The following CNTNAP4 variants were observed in gnomAD, a reference collection of about 807,000 sequenced individuals.
The protein encoded by CNTNAP4 is contactin-associated protein-like 4.
In CNTNAP4, 98 loss-of-function variants were observed where a neutral mutation model predicts 148.4. That is an observed-to-expected ratio of 0.66 (90% CI 0.56 to 0.78). The LOEUF is 0.78. Among genes scored for constraint, CNTNAP4 ranks in the 30% least tolerant of loss-of-function variants. The probability of loss-of-function intolerance (pLI) is 0.00; values close to 1 mark genes in which losing one functional copy is unlikely to be tolerated. For missense variants in CNTNAP4, 1,935 were observed against 1,565.6 expected (o/e 1.24, Z -3.98); for synonymous variants, 730 against 565.1 (o/e 1.29, Z -4.14).
intron 14 of CNTNAP4, among the ~76,000 whole-genome samples, chr16:76,498,032 T>C (rs1293751136): frequency 6.6e-6 from 1 of 152,252 alleles, no homozygotes; most frequent in Non-Finnish European, 1.5e-5. Context: ...AACTGTGTTC[T>C]ATTTTTAACA....
At chr16:76,483,187 CA>C (rs1412220567) in intron 12 of CNTNAP4, among the ~76,000 whole-genome samples, 2 of 149,854 alleles carry the variant, frequency 1.3e-5, no homozygotes, top group Middle Eastern at 3.5e-3. Flanking sequence ...TGAAATTAGA[CA>C]GCGATAGGTT....
chr16:76,291,314 C>T (rs1298225857), intron 1 of CNTNAP4, among the ~76,000 whole-genome samples: 1 of 152,122 alleles, frequency 6.6e-6, no homozygotes, highest in Admixed American at 6.6e-5. Context: ...TGGTTCAGTG[C>T]ATTGCCGAGA....
intron 2 of CNTNAP4, among the ~76,000 whole-genome samples, chr16:76,340,728 C>T (rs549810755): frequency 8.6e-4 from 131 of 152,300 alleles, no homozygotes; most frequent in African/African-American, 2.8e-3. Context: ...ACTTTCGTGG[C>T]GTTTGCCTGC....
At chr16:76,314,150 T>G (rs8063374) in intron 1 of CNTNAP4, among the ~76,000 whole-genome samples, 10,112 of 152,280 alleles carry the variant, frequency 0.066, 1,127 homozygotes, top group African/African-American at 0.23. Flanking sequence ...TATGTATGTA[T>G]ACACATTGAT....
At chr16:76,532,828 G>A (rs1246426954) in intron 17 of CNTNAP4, among the ~76,000 whole-genome samples, 1 of 152,072 alleles carries the variant, frequency 6.6e-6, no homozygotes, top group Non-Finnish European at 1.5e-5. Flanking sequence ...TCAACAGAGT[G>A]GAAGAATAGG....
chr16:76,308,127 T>C (rs1374877148), intron 1 of CNTNAP4, among the ~76,000 whole-genome samples: 1 of 152,330 alleles, frequency 6.6e-6, no homozygotes, highest in East Asian at 1.9e-4. Context: ...AGGAACATTT[T>C]TTTTTTAGAT....
At chr16:76,384,217 T>C (rs2016287397) in intron 3 of CNTNAP4, among the ~76,000 whole-genome samples, 2 of 151,892 alleles carry the variant, frequency 1.3e-5, no homozygotes, top group South Asian at 4.2e-4. Flanking sequence ...CTAATTTTTG[T>C]ATTTCTGGTG....
chr16:76,416,047 T>G (rs2078969818), intron 3 of CNTNAP4, among the ~76,000 whole-genome samples: 1 of 151,232 alleles, frequency 6.6e-6, no homozygotes, highest in Non-Finnish European at 1.5e-5. Context: ...ACTTCTATCC[T>G]TAACTCATTT....
chr16:76,319,268 C>T (rs977257832), intron 2 of CNTNAP4, among the ~76,000 whole-genome samples: 9 of 151,816 alleles, frequency 5.9e-5, no homozygotes, highest in East Asian at 5.8e-4. Context: ...GGTGTACACC[C>T]GCGGTCCTAG....
At chr16:76,498,882 T>C (rs1289946491) in intron 15 of CNTNAP4, among the ~76,000 whole-genome samples, 188 bp downstream of exon 15, 1 of 152,084 alleles carries the variant, frequency 6.6e-6, no homozygotes, top group Non-Finnish European at 1.5e-5. Context: ...AGTAGAATGG[T>C]GGTTTCCAGG....
At chr16:76,556,529 T>C (rs1446415261) in intron 23 of CNTNAP4, among the ~76,000 whole-genome samples, 1 of 152,186 alleles carries the variant, frequency 6.6e-6, no homozygotes, top group Non-Finnish European at 1.5e-5. Flanking sequence ...TCGGCCAATG[T>C]AACATTCATT....
chr16:76,455,943 T>C (rs532030291), intron 8 of CNTNAP4, among the ~76,000 whole-genome samples: 3 of 152,204 alleles, frequency 2.0e-5, no homozygotes, highest in African/African-American at 7.2e-5. Flanking sequence ...GACGTAAATC[T>C]TTTTTCTCCT....
intron 3 of CNTNAP4, among the ~76,000 whole-genome samples, chr16:76,421,805 C>G (rs1432024119): frequency 6.6e-6 from 1 of 152,060 alleles, no homozygotes; most frequent in Non-Finnish European, 1.5e-5. Context: ...TTTCATGTTT[C>G]CCTGTTTCTT....
At chr16:76,398,500 A>C (rs896023801) in intron 3 of CNTNAP4, among the ~76,000 whole-genome samples, 1 of 152,118 alleles carries the variant, frequency 6.6e-6, no homozygotes, top group African/African-American at 2.4e-5. Context: ...ATTCTCAGCC[A>C]CCGCACTGCA....
intron 3 of CNTNAP4, among the ~76,000 whole-genome samples, chr16:76,393,753 T>A (rs929447302): frequency 6.6e-6 from 1 of 152,134 alleles, no homozygotes. Flanking sequence ...TTCCCCACTT[T>A]CCTAAGAAGA....
At chr16:76,440,681 A>T (rs1248652426) in intron 4 of CNTNAP4, among the ~76,000 whole-genome samples, 1 of 152,134 alleles carries the variant, frequency 6.6e-6, no homozygotes, top group Non-Finnish European at 1.5e-5. Context: ...CCAGGTTAGA[A>T]TTCCAGAGAT....
intron 17 of CNTNAP4, among the ~76,000 whole-genome samples, chr16:76,528,239 A>T (rs1252100615): frequency 6.6e-6 from 1 of 152,134 alleles, no homozygotes; most frequent in Non-Finnish European, 1.5e-5. Context: ...AATATTTATT[A>T]GCATTAAGTT....
At chr16:76,524,225 C>T (rs781312682) in intron 17 of CNTNAP4, among the ~76,000 whole-genome samples, 2 of 152,008 alleles carry the variant, frequency 1.3e-5, no homozygotes, top group Non-Finnish European at 2.9e-5. Flanking sequence ...GATCTTGTGA[C>T]CACTTGATTG....
intron 1 of CNTNAP4, among the ~76,000 whole-genome samples, chr16:76,290,977 A>G (rs139795931): frequency 6.6e-6 from 1 of 152,048 alleles, no homozygotes; most frequent in African/African-American, 2.4e-5. Context: ...AGAGAGAGCG[A>G]TATCTCTGGT....
Sources: allele counts gnomAD v4.1 joint callset (sites outside exome capture counted in the v4.1 genomes callset), GRCh38; gene constraint gnomAD v4.1.1; transcripts MANE v1.5; gene names NCBI Gene and HGNC (gene_info 2026-07-23, HGNC 2026-07-21).